TIPIN: variants seen among roughly 807,000 people sequenced by gnomAD.
The protein encoded by TIPIN is TIMELESS-interacting protein.
TIPIN carries 29 observed loss-of-function variants against 35.6 expected under a neutral mutation model. That is an observed-to-expected ratio of 0.82 (90% CI 0.61 to 1.11). The LOEUF is 1.11. Among genes scored for constraint, TIPIN ranks in the 50% most tolerant of loss-of-function variants. The pLI is 0.00. For synonymous variants in TIPIN, 102 were observed against 121.5 expected (o/e 0.84, Z 1.06); for missense variants, 296 against 345.4 (o/e 0.86, Z 1.13).
At chr15:66,365,081 C>CGGGT (rs2093248529) in intron 1 of TIPIN, among the ~76,000 whole-genome samples, 1 of 151,616 alleles carries the variant, frequency 6.6e-6, no homozygotes, top group Non-Finnish European at 1.5e-5. Context: ...AGGATGAGAC[C>CGGGT]CGTTGGGCTG....
upstream of TIPIN, chr15:66,356,846 C>A (rs916538393): frequency 3.4e-5 from 15 of 435,324 alleles, no homozygotes; most frequent in Non-Finnish European, 4.6e-5. Context: ...TTCCGCCCTA[C>A]TGAATTCTTC....
At chr15:66,368,998 A>T (rs2093268067) in intron 1 of TIPIN, among the ~76,000 whole-genome samples, 1 of 152,194 alleles carries the variant, frequency 6.6e-6, no homozygotes. Flanking sequence ...CTATTTATAA[A>T]GTGGGCTGCC....
chr15:66,343,806 C>A (rs551525584), intron 6 of TIPIN, among the ~76,000 whole-genome samples: 3 of 152,086 alleles, frequency 2.0e-5, no homozygotes, highest in African/African-American at 7.2e-5. Flanking sequence ...CAAGACCAGT[C>A]GGACCAACAT....
chr15:66,336,773 A>C lies in TIPIN; in HGVS notation c.*185T>G. 1 of 561,358 alleles carries C rather than the reference A, an allele frequency of 1.8e-6. No individual in the cohort carries two copies. Among genetic ancestry groups the C allele is most frequent in the Non-Finnish European group, 3.1e-6 (1 of 320,442 alleles). 34.8% of individuals were successfully genotyped at this position (561,358 alleles called of 1,614,324 possible). ...ACCTATATAAAAACAAACACTAAAG[A>C]GAACAAATAGATTTAACTAAAGTGA... On this transcript the variant is annotated 3_prime_UTR_variant, in exon 8 of 8. Coordinates refer to ENST00000261881, the MANE Select transcript of TIPIN (RefSeq NM_017858.3).
rs1422808007 is a variant in TIPIN at position 66,336,509 on chromosome 15, G to C, written c.*449C>G. The stretch of plus-strand genomic sequence containing the variant: ...GCAGAGGTTGCAGTGAGCCAAGACT[G>C]TGCCACTGCACTCCAGCCTGGCCAA... On this transcript the variant is annotated 3_prime_UTR_variant, in exon 8 of 8. Coordinates refer to ENST00000261881, the MANE Select transcript of TIPIN (RefSeq NM_017858.3). 6.0e-6 allele frequency: 1 copy of C among 167,778 alleles called. No individual in the cohort carries two copies. Among genetic ancestry groups the C allele is most frequent in the African/African-American group, 2.4e-5 (1 of 41,624 alleles). The allele number at this position is 167,778 out of a possible 1,614,324, so 10.4% of individuals were successfully genotyped here. A position where few individuals can be genotyped will look rare whatever the true frequency, so the allele number is the denominator to read the frequency against.
chr15:66,346,804 T>C (rs1942814982), intron 6 of TIPIN, among the ~76,000 whole-genome samples: 1 of 152,124 alleles, frequency 6.6e-6, no homozygotes, highest in South Asian at 2.1e-4. Context: ...ACATTCCTTT[T>C]TTTTTTTGAG....
chr15:66,344,687 C>CA (rs1198557358), intron 6 of TIPIN, among the ~76,000 whole-genome samples: 9,771 of 62,632 alleles, frequency 0.16, 972 homozygotes, highest in African/African-American at 0.36. Context: ...CCTTTCTCTA[C>CA]AAAAAAAAAA....
rs2093206205 is a variant in TIPIN at position 66,356,665 on chromosome 15, G to A, written c.-35C>T. ...TCACGCAGAAAACACGGGACACAGC[G>A]CGGACCTCGGCGTGCAGACTAAGCG... On this transcript the variant is annotated 5_prime_UTR_variant, in exon 1 of 8. Transcript: ENST00000261881. 4.1e-6 allele frequency: 4 copies of A among 985,512 alleles called. No homozygotes were observed. The highest frequency in any genetic ancestry group is 4.8e-6 in the Non-Finnish European group (4 of 830,134). The allele number at this position is 985,512 out of a possible 1,614,324, so 61.0% of individuals were successfully genotyped here.
At chr15:66,338,933 C>A (rs1271018605) in intron 7 of TIPIN, among the ~76,000 whole-genome samples, 2 of 150,318 alleles carry the variant, frequency 1.3e-5, no homozygotes, top group East Asian at 3.9e-4. Flanking sequence ...GAGTTCAAGA[C>A]CACCCTGGCC....
At chr15:66,337,695 G>A (rs1595779833) in intron 7 of TIPIN, among the ~76,000 whole-genome samples, 1 of 151,738 alleles carries the variant, frequency 6.6e-6, no homozygotes, top group Middle Eastern at 3.4e-3. Context: ...AACAATGTGG[G>A]AGGATCATTG....
At chr15:66,385,809 G>A (rs2093335603) in intron 1 of TIPIN, among the ~76,000 whole-genome samples, 1 of 149,134 alleles carries the variant, frequency 6.7e-6, no homozygotes, top group African/African-American at 2.5e-5. Flanking sequence ...TTTTTAAAGG[G>A]AGTCTTGCTC....
chr15:66,376,557 T>C (rs1481501566), intron 1 of TIPIN, among the ~76,000 whole-genome samples: 1 of 151,668 alleles, frequency 6.6e-6, no homozygotes, highest in East Asian at 2.0e-4. Flanking sequence ...GCCTCCTGAG[T>C]AGATGGGATT....
At chr15:66,361,559 A>AT (rs1475379684), upstream of TIPIN, among the ~76,000 whole-genome samples, 688 of 38,122 alleles carry the variant, frequency 0.018, 4 homozygotes, top group African/African-American at 0.048. Flanking sequence ...CCCACCTGTA[A>AT]TTTAAAAAAA....
chr15:66,380,865 A>G (rs1446810601), intron 1 of TIPIN, among the ~76,000 whole-genome samples: 2 of 152,148 alleles, frequency 1.3e-5, no homozygotes, highest in Non-Finnish European at 2.9e-5. Context: ...GTACTGTTAA[A>G]AAATATTAAT....
At chr15:66,351,641 C>T (rs199594907) in intron 3 of TIPIN, 41 bp from the exon 4 acceptor site, 4,481 of 1,091,516 alleles carry the variant, frequency 4.1e-3, no homozygotes, top group Admixed American at 9.5e-3. Context: ...GTTTTATTTT[C>T]TTTTTTTTTT....
chr15:66,340,092 T>C (rs2093074693), intron 7 of TIPIN, among the ~76,000 whole-genome samples: 1 of 151,266 alleles, frequency 6.6e-6, no homozygotes, highest in South Asian at 2.1e-4. Flanking sequence ...CAGGATGGTC[T>C]CGATCTCCTG....
At chr15:66,371,256 A>C in intron 1 of TIPIN, 1 of 984,780 alleles carries the variant, frequency 1.0e-6, no homozygotes, top group Non-Finnish European at 1.2e-6. Flanking sequence ...TACCTGTTGT[A>C]TACTTTTCTG....
At chr15:66,386,423 TAAAC>T (rs1402590823) in intron 1 of TIPIN, 1 of 152,308 alleles carries the variant, frequency 6.6e-6, no homozygotes, top group Non-Finnish European at 1.5e-5. Flanking sequence ...GTATTACCAT[TAAAC>T]AAACAAAATT....
Position 66,351,571 on chromosome 15 carries a change from A to T in TIPIN, c.242T>A (p.Leu81Ter), listed in dbSNP as rs1161119644. 1 of 1,613,006 alleles carries T rather than the reference A, an allele frequency of 6.2e-7. No individual in the cohort carries two copies. Among genetic ancestry groups the T allele is most frequent in the Admixed American group, 1.7e-5 (1 of 59,880 alleles). ...RLISERGLPA[L>*]RHVFDKAKFK... ...TTTTGCCTTATCAAATACATGCCTT[A>T]AGGCTGGAAGTCCTCTCTCTGAAAT... The change falls in exon 4 of 8, where the codon TTA becomes TAA. Residue 81 changes from leucine (L) to a stop codon, truncating the protein, a stop_gained. Coordinates refer to ENST00000261881, the MANE Select transcript of TIPIN (RefSeq NM_017858.3). LOFTEE classifies it high-confidence loss of function.
Sources: gnomAD v4.1 joint callset for allele counts (sites outside exome capture counted in the v4.1 genomes callset) on GRCh38, gnomAD v4.1.1 for gene constraint, MANE v1.5 for transcripts, NCBI Gene and HGNC (gene_info 2026-07-23, HGNC 2026-07-21) for gene names.